The following ATP2B2 variants were observed in gnomAD, a reference collection of about 807,000 sequenced individuals.
ATP2B2 encodes the protein plasma membrane calcium-transporting ATPase 2.
In ATP2B2, 15 loss-of-function variants were observed where a neutral mutation model predicts 120.0. That is an observed-to-expected ratio of 0.12 (90% CI 0.08 to 0.19). The LOEUF is 0.19. Ranked by LOEUF, ATP2B2 falls within the 10% of genes least tolerant of loss-of-function variation. The probability of loss-of-function intolerance (pLI) is 1.00; values close to 1 mark genes in which losing one functional copy is unlikely to be tolerated. For synonymous variants in ATP2B2, 694 were observed against 700.3 expected (o/e 0.99, Z 0.14); for missense variants, 1,045 against 1,719.8 (o/e 0.61, Z 6.94).
rs2059871607 is a variant in ATP2B2, at chr3:10,327,139, AC to A, written c.*1674del. The A allele has an allele frequency of 7.1e-6, 2 of 283,170 alleles. No homozygotes were observed. The highest frequency in any genetic ancestry group is 1.2e-4 in the East Asian group (2 of 16,830). The allele number at this position is 283,170 out of a possible 1,614,324, so 17.5% of individuals were successfully genotyped here. Reference sequence around the variant, plus strand: ...AAGTTCTTTTATGAAAAACGCTGAGACCCACAAAGTGCTTAGCAGTTAAGAG... The same window carrying A: ...AAGTTCTTTTATGAAAAACGCTGAGACCACAAAGTGCTTAGCAGTTAAGAG... On this transcript the variant is annotated 3_prime_UTR_variant, in exon 23 of 23. Coordinates refer to ENST00000360273, the MANE Select transcript of ATP2B2 (RefSeq NM_001001331.4).
intron 3 of ATP2B2, among the ~76,000 whole-genome samples, chr3:10,522,378 T>C (rs953830956): frequency 6.6e-6 from 1 of 152,182 alleles, no homozygotes; most frequent in African/African-American, 2.4e-5. Context: ...GAGCTGGGAT[T>C]TGATCCCATA....
At chr3:10,509,071 A>G (rs1228883009), upstream of ATP2B2, among the ~76,000 whole-genome samples, 2 of 152,186 alleles carry the variant, frequency 1.3e-5, no homozygotes, top group Non-Finnish European at 2.9e-5. Flanking sequence ...GAATAGGGTC[A>G]GTCTGTCTAG....
At chr3:10,333,184 T>C (rs1036174708) in intron 22 of ATP2B2, among the ~76,000 whole-genome samples, 11 of 152,146 alleles carry the variant, frequency 7.2e-5, no homozygotes, top group African/African-American at 2.7e-4. Context: ...CAACTCTTCA[T>C]AACCCAGGGG....
Position 10,342,679 on chromosome 3 carries a change from T to C in ATP2B2, c.2917+73A>G, listed in dbSNP as rs2060312892. ...GGAGGGGGTTGTGACTCGAGAATGC[T>C]GGGTGAGAGCCATGGTGCACCCAGA... On this transcript the variant is annotated intron_variant, in intron 19 of 22. Transcript: ENST00000360273. The surrounding 1 kb of genome is among the most constrained non-coding windows in gnomAD (Gnocchi z 4.4). 3.2e-6 allele frequency: 5 copies of C among 1,549,642 alleles called. No homozygotes were observed. In the East Asian group the frequency reaches 6.8e-5, roughly 21 times the overall value.
At chr3:10,683,776 A>ATG (rs1559520158) in intron 1 of ATP2B2, among the ~76,000 whole-genome samples, 1 of 98,052 alleles carries the variant, frequency 1.0e-5, no homozygotes, top group Non-Finnish European at 1.9e-5. Context: ...ATATATATAT[A>ATG]TATATATATA....
chr3:10,360,123 G>A lies in ATP2B2; in HGVS notation c.1660C>T (p.Pro554Ser), dbSNP rs765779585. The A allele has an allele frequency of 1.3e-6, 2 of 1,586,328 alleles. No homozygotes were observed. The highest frequency in any genetic ancestry group is 1.7e-6 in the Non-Finnish European group (2 of 1,163,926). The change falls in exon 13 of 23, where the codon CCC becomes TCC. Residue 554 changes from proline (P) to serine (S), a missense_variant and splice_region_variant. Coordinates refer to ENST00000360273, the MANE Select transcript of ATP2B2 (RefSeq NM_001001331.4). ...GGCAGGGCGCCCTCCTTCTCTGGGG[G>A]CTGCAGAGAGAGGAAGGAGCGGCTG... is the stretch of plus-strand genomic sequence containing the variant. ...INSAYTTKIL[P>S]PEKEGALPRQ...
chr3:10,642,192 T>C (rs1262039064), intron 1 of ATP2B2, among the ~76,000 whole-genome samples: 15 of 152,216 alleles, frequency 9.9e-5, no homozygotes, highest in Admixed American at 9.8e-4. Context: ...AGTAGTCAAC[T>C]TCCCTGAGCC....
At chr3:10,538,138 A>G (rs1041430262) in intron 2 of ATP2B2, among the ~76,000 whole-genome samples, 9 of 152,166 alleles carry the variant, frequency 5.9e-5, no homozygotes, top group Non-Finnish European at 8.8e-5. Flanking sequence ...TGATATTATG[A>G]TAATAGTAGC....
chr3:10,565,146 A>G (rs2067983658), intron 2 of ATP2B2, among the ~76,000 whole-genome samples: 1 of 152,196 alleles, frequency 6.6e-6, no homozygotes, highest in Non-Finnish European at 1.5e-5. Flanking sequence ...GAGCAACAGA[A>G]TGCAAGGAAC....
chr3:10,533,574 T>C (rs2067252389), intron 3 of ATP2B2, among the ~76,000 whole-genome samples: 1 of 152,194 alleles, frequency 6.6e-6, no homozygotes, highest in Admixed American at 6.5e-5. Flanking sequence ...CATGTCCCAG[T>C]AAGCCCACCT....
At chr3:10,432,532 G>A (rs532879927) in intron 2 of ATP2B2, among the ~76,000 whole-genome samples, 4 of 152,360 alleles carry the variant, frequency 2.6e-5, no homozygotes, top group Admixed American at 1.3e-4. Flanking sequence ...TAACTGCAGC[G>A]GTTGAAAAAC....
intron 12 of ATP2B2, among the ~76,000 whole-genome samples, chr3:10,366,412 T>C (rs913709161): frequency 3.3e-5 from 5 of 152,216 alleles, no homozygotes; most frequent in African/African-American, 1.2e-4. Flanking sequence ...GCTTGGCTTA[T>C]CTATTCAGGA....
chr3:10,582,545 T>C (rs1347688258), intron 2 of ATP2B2, among the ~76,000 whole-genome samples: 1 of 151,826 alleles, frequency 6.6e-6, no homozygotes, highest in Non-Finnish European at 1.5e-5. Context: ...ATTAAATAAG[T>C]GGGGTAGAGA....
intron 2 of ATP2B2, among the ~76,000 whole-genome samples, chr3:10,436,408 G>A (rs959371484): frequency 1.3e-5 from 2 of 152,168 alleles, no homozygotes; most frequent in Non-Finnish European, 2.9e-5. Flanking sequence ...ATGATGTCAC[G>A]TGGGTAACGT....
intron 1 of ATP2B2, among the ~76,000 whole-genome samples, chr3:10,697,297 G>A (rs575907937): frequency 1.3e-5 from 2 of 152,088 alleles, no homozygotes; most frequent in African/African-American, 4.8e-5. Context: ...TTGCAGAAGG[G>A]AGCCAGCTTT....
intron 1 of ATP2B2, among the ~76,000 whole-genome samples, chr3:10,688,001 T>A (rs2071564936): frequency 6.6e-6 from 1 of 152,326 alleles, no homozygotes; most frequent in South Asian, 2.1e-4. Context: ...GGTTTTGATA[T>A]TATATATATA....
At chr3:10,649,966 C>G (rs114963907) in intron 1 of ATP2B2, among the ~76,000 whole-genome samples, 2 of 152,192 alleles carry the variant, frequency 1.3e-5, no homozygotes, top group Non-Finnish European at 2.9e-5. Flanking sequence ...GTGAATTTCC[C>G]AGTCTCGGGT....
intron 1 of ATP2B2, among the ~76,000 whole-genome samples, chr3:10,644,345 G>A (rs893792101): frequency 1.3e-5 from 2 of 152,312 alleles, no homozygotes; most frequent in Admixed American, 1.3e-4. Flanking sequence ...AAGGAAAACA[G>A]TTTGGCAGTT....
intron 7 of ATP2B2, among the ~76,000 whole-genome samples, chr3:10,385,565 T>G (rs1241634246): frequency 6.6e-6 from 1 of 152,174 alleles, no homozygotes; most frequent in Non-Finnish European, 1.5e-5. Context: ...GCATGGTGGA[T>G]GACCAGGGTG....
Sources: gnomAD v4.1 joint callset for allele counts (sites outside exome capture counted in the v4.1 genomes callset) on GRCh38, gnomAD v4.1.1 for gene constraint, Gnocchi (gnomAD v3.1) non-coding constraint, MANE v1.5 for transcripts, NCBI Gene and HGNC (gene_info 2026-07-23, HGNC 2026-07-21) for gene names.